The following CAPN14 variants were observed in gnomAD, a reference collection of about 807,000 sequenced individuals.
The protein encoded by CAPN14 is calpain-14.
In CAPN14, 94 loss-of-function variants were observed where a neutral mutation model predicts 101.3. The observed-to-expected ratio is 0.93, with a 90% CI of 0.79 to 1.10. The LOEUF is 1.10. CAPN14 is among the 50% of genes least tolerant of loss of function. The probability of loss-of-function intolerance (pLI) is 0.00; values close to 1 mark genes in which losing one functional copy is unlikely to be tolerated. For missense variants in CAPN14, 837 were observed against 828.4 expected, an observed-to-expected ratio of 1.01 and a Z score of -0.13; for synonymous variants, 338 against 317.9, an observed-to-expected ratio of 1.06 and a Z score of -0.67.
chr2:31,197,709 T>C (rs1015566258), intron 7 of CAPN14, among the ~76,000 whole-genome samples: 3 of 152,200 alleles, frequency 2.0e-5, no homozygotes, highest in Non-Finnish European at 4.4e-5. Context: ...GAGATAATTA[T>C]GGATCAGGGT....
intron 19 of CAPN14, 133 bp from the exon 20 acceptor site, chr2:31,177,275 G>A: frequency 3.3e-6 from 2 of 605,176 alleles, no homozygotes; most frequent in South Asian, 2.0e-5. Context: ...TCTTTTATAG[G>A]GTTCATTTTG....
Position 31,201,951 on chromosome 2 carries a change from C to CGT in CAPN14, c.461_462insAC (p.Pro155ArgfsTer3). 1 of 1,551,752 alleles carries CGT rather than the reference C, an allele frequency of 6.4e-7. No individual in the cohort carries two copies. The highest frequency in any genetic ancestry group is 8.7e-7 in the Non-Finnish European group (1 of 1,147,008). ...CCAGCTGGCCAGCCTCATTCACAGGCAGACGGTCATCGATCACCACAGGAA... is the reference window on the plus strand; with the variant it reads ...CCAGCTGGCCAGCCTCATTCACAGGCGTAGACGGTCATCGATCACCACAGGAA... On this transcript the variant is annotated frameshift_variant, in exon 5 of 22. Transcript: ENST00000403897. LOFTEE classifies it high-confidence loss of function.
chr2:31,183,211 T>C (rs888883388), intron 16 of CAPN14, among the ~76,000 whole-genome samples: 23 of 152,046 alleles, frequency 1.5e-4, no homozygotes, highest in African/African-American at 5.6e-4. Context: ...ACTTACATGT[T>C]AGACCTAAAA....
At chr2:31,204,793 G>A (rs960572461) in intron 2 of CAPN14, among the ~76,000 whole-genome samples, 6 of 152,092 alleles carry the variant, frequency 3.9e-5, no homozygotes, top group African/African-American at 7.2e-5. Context: ...AAATGTAAGC[G>A]AAGCATTTCC....
At chr2:31,193,742 C>T (rs1023183349) in intron 9 of CAPN14, among the ~76,000 whole-genome samples, 2 of 152,208 alleles carry the variant, frequency 1.3e-5, no homozygotes, top group Non-Finnish European at 2.9e-5. Flanking sequence ...CTGTCTGATG[C>T]TCAGTTTACT....
chr2:31,212,966 A>C (rs1402515653), intron 1 of CAPN14, among the ~76,000 whole-genome samples: 2 of 152,236 alleles, frequency 1.3e-5, no homozygotes, highest in East Asian at 3.8e-4. Context: ...CTCTTTGTAC[A>C]AGACTCTGTC....
chr2:31,222,671 T>A (rs770135227), intron 2 of CAPN14, among the ~76,000 whole-genome samples: 1 of 152,216 alleles, frequency 6.6e-6, no homozygotes, highest in South Asian at 2.1e-4. Flanking sequence ...ATGATTGGAT[T>A]TGGTGCTTAC....
chr2:31,191,519 C>G, intron 11 of CAPN14, 112 bp from the exon 12 acceptor site: 1 of 1,038,100 alleles, frequency 9.6e-7, no homozygotes, highest in Non-Finnish European at 1.4e-6. Context: ...AGCTGATATA[C>G]AAGGCTCTAC....
intron 1 of CAPN14, among the ~76,000 whole-genome samples, chr2:31,216,269 G>A (rs183418188): frequency 2.6e-5 from 4 of 152,196 alleles, no homozygotes; most frequent in Admixed American, 6.5e-5. Flanking sequence ...GAGGTCGAGC[G>A]ATCTATCACC....
In CAPN14 at chr2:31,177,664, T is replaced by G. The variant is rs1420476237; in HGVS notation, c.1855+82A>C. 4 of 996,606 alleles carry G rather than the reference T, an allele frequency of 4.0e-6. No individual in the cohort carries two copies. The Admixed American group carries it at 6.0e-5, about 15-fold the overall frequency. The allele number at this position is 996,606 out of a possible 1,614,324, so 61.7% of individuals were successfully genotyped here. ...ACTGCGTATTAGAGTTACTTCAGCA[T>G]GCCACACATCCCCTCTCCTCTGCCT... On this transcript the variant is annotated intron_variant, in intron 19 of 21. Transcript: ENST00000403897.
chr2:31,212,516 T>G (rs1302970787), intron 1 of CAPN14, among the ~76,000 whole-genome samples: 1 of 152,152 alleles, frequency 6.6e-6, no homozygotes, highest in East Asian at 1.9e-4. Flanking sequence ...CTGGCTTTCT[T>G]TGGTGGTGGC....
chr2:31,213,071 T>A (rs1682477899), intron 1 of CAPN14, among the ~76,000 whole-genome samples: 1 of 152,214 alleles, frequency 6.6e-6, no homozygotes, highest in Non-Finnish European at 1.5e-5. Context: ...TTTGCCTGAT[T>A]TATCTTGAGC....
upstream of CAPN14, among the ~76,000 whole-genome samples, chr2:31,222,134 G>A (rs1682878650): frequency 6.6e-6 from 1 of 152,176 alleles, no homozygotes; most frequent in Non-Finnish European, 1.5e-5. Flanking sequence ...ATAGAACATG[G>A]AAGAGACTTA....
chr2:31,200,991 C>T (rs1367696956), intron 5 of CAPN14, among the ~76,000 whole-genome samples: 2 of 152,148 alleles, frequency 1.3e-5, no homozygotes, highest in East Asian at 3.9e-4. Context: ...TGCGGGAAAC[C>T]TGTTGGGACA....
chr2:31,232,912 T>A (rs940654751), intron 1 of CAPN14, among the ~76,000 whole-genome samples: 20 of 151,964 alleles, frequency 1.3e-4, no homozygotes, highest in African/African-American at 4.8e-4. Context: ...GTAGTGGGAG[T>A]CATTAGCCTG....
intron 1 of CAPN14, among the ~76,000 whole-genome samples, chr2:31,213,895 G>C (rs909837680): frequency 3.9e-5 from 6 of 152,188 alleles, no homozygotes; most frequent in African/African-American, 1.4e-4. Context: ...AAGATGAAAT[G>C]ATTTTGTAAT....
At chr2:31,218,643 T>A (rs1334370541), upstream of CAPN14, among the ~76,000 whole-genome samples, 1 of 152,204 alleles carries the variant, frequency 6.6e-6, no homozygotes, top group Non-Finnish European at 1.5e-5. Context: ...TCTTCACAAC[T>A]TTGTGAGGTA....
chr2:31,227,770 T>C (rs1683067655), intron 1 of CAPN14, among the ~76,000 whole-genome samples: 1 of 152,226 alleles, frequency 6.6e-6, no homozygotes, highest in South Asian at 2.1e-4. Context: ...GTAAACAGAA[T>C]GAGTACAGCA....
rs921362461 is a variant in CAPN14, at chr2:31,201,908, A to C, written c.505T>G (p.Tyr169Asp). The change falls in exon 5 of 22, where the codon TAT becomes GAT. Residue 169 changes from tyrosine to aspartate, a missense_variant. Tyr to Asp is a radical substitution (Grantham distance 160). Transcript: ENST00000403897. ...AGTGCTCCCCAGAACAAGTTCTTAT[A>C]GGTGGAGGAGACAAAGACCAGCTGG... ...AGQLVFVSSTYKNLFWGALLE... is the reference protein window; with the variant it reads ...AGQLVFVSSTDKNLFWGALLE... 8 of 1,551,752 alleles carry C rather than the reference A, an allele frequency of 5.2e-6. No individual in the cohort carries two copies. Among genetic ancestry groups the C allele is most frequent in the Non-Finnish European group, 6.1e-6 (7 of 1,146,992 alleles).
Sources: gnomAD v4.1 joint callset for allele counts (sites outside exome capture counted in the v4.1 genomes callset) on GRCh38, gnomAD v4.1.1 for gene constraint, MANE v1.5 for transcripts, NCBI Gene and HGNC (gene_info 2026-07-23, HGNC 2026-07-21) for gene names.